FHOD3: variants seen among roughly 807,000 people sequenced by gnomAD.
The protein encoded by FHOD3 is FH1/FH2 domain-containing protein 3.
A neutral mutation model predicts 173.0 loss-of-function variants in FHOD3; 90 were observed. The ratio of observed to expected loss-of-function variants is 0.52; its 90% confidence interval spans 0.44 to 0.62. FHOD3 has a LOEUF of 0.62. Ranked by LOEUF, FHOD3 falls within the 20% of genes least tolerant of loss-of-function variation. The probability of loss-of-function intolerance (pLI) is 0.00; values close to 1 mark genes in which losing one functional copy is unlikely to be tolerated. For missense variants in FHOD3, 1,945 were observed against 2,034.7 expected, an observed-to-expected ratio of 0.96 and a Z score of 0.85; for synonymous variants, 828 against 823.0, an observed-to-expected ratio of 1.01 and a Z score of -0.10.
intron 23 of FHOD3, among the ~76,000 whole-genome samples, chr18:36,744,585 G>T (rs2042060527): frequency 6.6e-6 from 1 of 152,224 alleles, no homozygotes. Flanking sequence ...ATAGGACCTT[G>T]CAGTGAGGTG....
chr18:36,720,236 CTTTTT>C (rs35295640), intron 19 of FHOD3, among the ~76,000 whole-genome samples: 2 of 119,176 alleles, frequency 1.7e-5, no homozygotes, highest in Non-Finnish European at 1.7e-5. Flanking sequence ...CGTTCCAATT[CTTTTT>C]TTTTTTTTTT....
intron 3 of FHOD3, among the ~76,000 whole-genome samples, chr18:36,420,528 A>AT (rs1453435008): frequency 1.3e-5 from 2 of 152,224 alleles, no homozygotes; most frequent in African/African-American, 4.8e-5. Context: ...TGAGGATCTT[A>AT]TATAAGCTAG....
chr18:36,319,552 T>C (rs1205341602), intron 1 of FHOD3, among the ~76,000 whole-genome samples: 1 of 152,044 alleles, frequency 6.6e-6, no homozygotes, highest in Non-Finnish European at 1.5e-5. Flanking sequence ...ACTTTAACAC[T>C]CCACTGTCAA....
chr18:36,385,291 A>C (rs919498347), intron 3 of FHOD3, among the ~76,000 whole-genome samples: 4 of 152,238 alleles, frequency 2.6e-5, no homozygotes, highest in African/African-American at 9.6e-5. Context: ...TTGTTCTTAC[A>C]AAATGGAGTT....
chr18:36,399,444 T>C (rs560003400), intron 3 of FHOD3, among the ~76,000 whole-genome samples: 8 of 152,322 alleles, frequency 5.3e-5, no homozygotes, highest in African/African-American at 1.7e-4. Flanking sequence ...CACACAGATG[T>C]TATATGTGTC....
At chr18:36,464,713 G>A (rs1305720919) in intron 3 of FHOD3, among the ~76,000 whole-genome samples, 3 of 152,108 alleles carry the variant, frequency 2.0e-5, no homozygotes, top group Non-Finnish European at 4.4e-5. Flanking sequence ...GTCCTTAGGA[G>A]GGAAGGAGGC....
rs907397481 is a variant in FHOD3 at position 36,639,505 on chromosome 18, C to CA, written c.1197-9803dup. Among the ~76,000 whole-genome samples, 381 of 151,936 alleles carry CA rather than the reference C, an allele frequency of 2.5e-3. 1 individual carries two copies. The highest frequency in any genetic ancestry group is 8.8e-3 in the African/African-American group (364 of 41,480). ...GAAACCCCGTCTCTACTAAAAAATA[C>CA]AAAAAAAATTAGCCGGGCGTGGTGG... On this transcript the variant is annotated intron_variant, in intron 10 of 28. Transcript: ENST00000590592.
intron 3 of FHOD3, among the ~76,000 whole-genome samples, chr18:36,482,406 G>A (rs567778770): frequency 1.9e-4 from 29 of 152,272 alleles, no homozygotes; most frequent in African/African-American, 7.0e-4. Flanking sequence ...TGGAGGATCA[G>A]GGTTATATGA....
chr18:36,396,127 T>A (rs2048544441), intron 3 of FHOD3, among the ~76,000 whole-genome samples: 1 of 152,212 alleles, frequency 6.6e-6, no homozygotes, highest in African/African-American at 2.4e-5. Context: ...AAAAGTCTGA[T>A]GATAATAAGC....
intron 3 of FHOD3, among the ~76,000 whole-genome samples, chr18:36,389,090 G>A (rs976357647): frequency 2.0e-5 from 3 of 152,160 alleles, no homozygotes; most frequent in Non-Finnish European, 4.4e-5. Context: ...GGATCGTGAT[G>A]ATATAGGACA....
intron 17 of FHOD3, among the ~76,000 whole-genome samples, chr18:36,705,609 T>G (rs554177736): frequency 6.6e-6 from 1 of 152,176 alleles, no homozygotes. Flanking sequence ...TTGTTCAGGA[T>G]CCTCTCTAAT....
chr18:36,462,801 A>C (rs944862525), intron 3 of FHOD3, among the ~76,000 whole-genome samples: 2 of 152,178 alleles, frequency 1.3e-5, no homozygotes, highest in African/African-American at 4.8e-5. Context: ...ATTTTTAAAT[A>C]TATTTCATAG....
At chr18:36,500,621 G>C (rs1379582292) in intron 3 of FHOD3, among the ~76,000 whole-genome samples, 3 of 152,174 alleles carry the variant, frequency 2.0e-5, no homozygotes, top group African/African-American at 7.2e-5. Context: ...CTGTAATACT[G>C]TCTGTTCCCA....
rs188437166 is a variant in FHOD3, at chr18:36,359,433, C to A, written c.272+3788C>A. On this transcript the variant is annotated intron_variant, in intron 2 of 28. Transcript: ENST00000590592. Reference sequence around the variant, plus strand: ...TAGAGCCAGGTCTGTTCATCACCTTCTGAGGCCAGGGAAATTAGCAAGCAT... The same window carrying A: ...TAGAGCCAGGTCTGTTCATCACCTTATGAGGCCAGGGAAATTAGCAAGCAT... Among the ~76,000 whole-genome samples the A allele has an allele frequency of 5.3e-4, 81 of 152,320 alleles. 1 individual carries two copies. Among genetic ancestry groups the A allele is most frequent in the Non-Finnish European group, 8.7e-4 (59 of 68,026 alleles).
At chr18:36,557,261 TTCTC>T (rs1211547365) in intron 5 of FHOD3, among the ~76,000 whole-genome samples, 2 of 152,160 alleles carry the variant, frequency 1.3e-5, no homozygotes, top group African/African-American at 2.4e-5. Flanking sequence ...CTCCTTCATC[TTCTC>T]TCTGTCAGGA....
intron 5 of FHOD3, among the ~76,000 whole-genome samples, chr18:36,541,588 A>G (rs1300062195): frequency 1.3e-5 from 2 of 152,204 alleles, no homozygotes; most frequent in Non-Finnish European, 2.9e-5. Context: ...AATTTTAGCA[A>G]TCAAAAATCT....
intron 3 of FHOD3, among the ~76,000 whole-genome samples, chr18:36,378,603 A>G (rs1263630624): frequency 6.6e-6 from 1 of 151,690 alleles, no homozygotes; most frequent in African/African-American, 2.4e-5. Context: ...CCACAAAAAA[A>G]AAAAAAAAAA....
intron 5 of FHOD3, among the ~76,000 whole-genome samples, chr18:36,538,996 T>A (rs1168461051): frequency 6.6e-6 from 1 of 152,214 alleles, no homozygotes; most frequent in Non-Finnish European, 1.5e-5. Flanking sequence ...GAAGAGTACC[T>A]GGGATCTCAC....
intron 3 of FHOD3, among the ~76,000 whole-genome samples, chr18:36,418,168 G>T (rs1283511877): frequency 6.6e-6 from 1 of 152,216 alleles, no homozygotes; most frequent in Admixed American, 6.5e-5. Context: ...ATTTGGAAAT[G>T]CTGTGGCTTC....
Sources: gnomAD v4.1 joint callset for allele counts (sites outside exome capture counted in the v4.1 genomes callset) on GRCh38, gnomAD v4.1.1 for gene constraint, MANE v1.5 for transcripts, NCBI Gene and HGNC (gene_info 2026-07-23, HGNC 2026-07-21) for gene names.